The following OTOP1 variants were observed in gnomAD, a reference collection of about 807,000 sequenced individuals.
OTOP1 encodes otopetrin 1.
A neutral mutation model predicts 52.9 loss-of-function variants in OTOP1; 59 were observed. The ratio of observed to expected loss-of-function variants is 1.12; its 90% CI spans 0.91 to 1.39. The LOEUF is 1.39. Among genes scored for constraint, OTOP1 ranks in the 40% most tolerant of loss-of-function variants. The pLI, the probability that OTOP1 is intolerant of heterozygous loss-of-function variation, is 0.00. For missense variants in OTOP1, 761 were observed against 800.9 expected (o/e 0.95, Z 0.60); for synonymous variants, 317 against 337.7 (o/e 0.94, Z 0.67).
chr4:4,222,523 G>T (rs368385285), intron 1 of OTOP1, among the ~76,000 whole-genome samples: 1 of 152,244 alleles, frequency 6.6e-6, no homozygotes, highest in Non-Finnish European at 1.5e-5. Context: ...AGCCAAGCCC[G>T]CATCTGATTT....
Position 4,197,761 on chromosome 4 carries a change from A to T in OTOP1, c.1073T>A (p.Leu358Gln). The T allele has an allele frequency of 6.2e-7, 1 of 1,614,016 alleles. No homozygotes were observed. Among genetic ancestry groups the T allele is most frequent in the Non-Finnish European group, 8.5e-7 (1 of 1,180,012 alleles). ...IMFYLYAITL[L>Q]MLMGAAGLAG... The stretch of plus-strand genomic sequence containing the variant: ...CAGCCCCGCAGCCCCCATAAGCATC[A>T]GCAGGGTGATGGCATACAGGTAGAA... Residue 358 changes from leucine to glutamine, a missense_variant, in exon 5 of 6, where the codon CTG (leucine) becomes CAG (glutamine). Leu to Gln is a moderately radical substitution (Grantham distance 113, BLOSUM62 -2). This residue lies in a region of OTOP1 where 632 missense variants were observed against 619.5 expected (regional missense o/e 1.02). Coordinates refer to ENST00000296358, the MANE Select transcript of OTOP1 (RefSeq NM_177998.3).
chr4:4,206,034 C>A, intron 3 of OTOP1, 38 bp downstream of exon 3: 1 of 1,537,792 alleles, frequency 6.5e-7, no homozygotes, highest in South Asian at 1.1e-5. Flanking sequence ...AAATGAATGC[C>A]AAATTCAACA....
chr4:4,217,794 G>T (rs539574771), intron 1 of OTOP1, among the ~76,000 whole-genome samples: 14 of 152,328 alleles, frequency 9.2e-5, no homozygotes, highest in African/African-American at 2.9e-4. Context: ...CACATAACTT[G>T]TCTGACAAAG....
chr4:4,215,459 C>T lies in OTOP1; in HGVS notation c.404-2455G>A, dbSNP rs546870893. ...GGTGGATCACCTGAGGTTGGGAGTT[C>T]GAGAGCAGCCTGACCAATGTGGAGA... On this transcript the variant is annotated intron_variant, in intron 1 of 5. Coordinates refer to ENST00000296358, the MANE Select transcript of OTOP1 (RefSeq NM_177998.3). Among the ~76,000 whole-genome samples, 35 of 152,132 alleles carry T rather than the reference C, an allele frequency of 2.3e-4. No homozygotes were observed. The South Asian group carries it at 5.8e-3, about 25-fold the overall frequency.
intron 2 of OTOP1, among the ~76,000 whole-genome samples, chr4:4,209,558 G>C (rs941386312): frequency 1.3e-5 from 2 of 152,102 alleles, no homozygotes; most frequent in Admixed American, 6.6e-5. Flanking sequence ...CACTGCCCTC[G>C]AGGTGAAGCC....
intron 2 of OTOP1, among the ~76,000 whole-genome samples, chr4:4,212,354 A>G (rs1397504078): frequency 1.3e-5 from 2 of 152,214 alleles, no homozygotes; most frequent in Non-Finnish European, 1.5e-5. Context: ...TTAATCCCCA[A>G]ACGAGAAAAC....
chr4:4,195,588 G>C (rs1716606849), intron 5 of OTOP1, among the ~76,000 whole-genome samples: 1 of 152,170 alleles, frequency 6.6e-6, no homozygotes, highest in Non-Finnish European at 1.5e-5. Flanking sequence ...CCACCCAAGT[G>C]ACAAGATGAA....
At chr4:4,194,278 T>G (rs1221309025) in intron 5 of OTOP1, among the ~76,000 whole-genome samples, 1 of 152,198 alleles carries the variant, frequency 6.6e-6, no homozygotes, top group Non-Finnish European at 1.5e-5. Flanking sequence ...ACTATAAGAA[T>G]TTGTGTTTTG....
At chr4:4,194,078 C>T (rs2108795592) in intron 5 of OTOP1, among the ~76,000 whole-genome samples, 1 of 152,198 alleles carries the variant, frequency 6.6e-6, no homozygotes, top group Middle Eastern at 3.4e-3. Context: ...AGTCCCACCT[C>T]CTCGGGATGC....
intron 2 of OTOP1, among the ~76,000 whole-genome samples, chr4:4,211,375 AG>A (rs1244720636): frequency 5.3e-5 from 8 of 152,210 alleles, no homozygotes; most frequent in African/African-American, 1.9e-4. Flanking sequence ...CTTGTCAGGA[AG>A]AAAATAATCA....
Position 4,197,155 on chromosome 4 carries a change from G to T in OTOP1, c.1668+11C>A. ...AAATTAAAAGAATAAGAATAACTTG[G>T]TGCAGATTACCGAAATATTGCAGAG... On this transcript the variant is annotated intron_variant, in intron 5 of 5. Transcript: ENST00000296358. 1 of 1,590,834 alleles carries T rather than the reference G, an allele frequency of 6.3e-7. No homozygotes were observed. Among genetic ancestry groups the T allele is most frequent in the South Asian group, 1.1e-5 (1 of 87,896 alleles).
intron 2 of OTOP1, among the ~76,000 whole-genome samples, chr4:4,211,993 A>G (rs1280957389): frequency 6.6e-6 from 1 of 152,226 alleles, no homozygotes; most frequent in African/African-American, 2.4e-5. Flanking sequence ...ACCCAAAAAA[A>G]GAAAGGCAAC....
intron 3 of OTOP1, among the ~76,000 whole-genome samples, chr4:4,205,147 C>T (rs1404091069): frequency 1.3e-5 from 2 of 152,298 alleles, no homozygotes; most frequent in East Asian, 3.9e-4. Context: ...CGATTCTTTC[C>T]TTCCATCCTC....
At chr4:4,192,031 A>G (rs1202967375) in intron 5 of OTOP1, among the ~76,000 whole-genome samples, 1 of 152,186 alleles carries the variant, frequency 6.6e-6, no homozygotes, top group African/African-American at 2.4e-5. Flanking sequence ...CTTGTTACTT[A>G]TCCTATTGAG....
At position 4,191,813 on chromosome 4, in the gene OTOP1, G is replaced by C. The variant is rs144696923; in HGVS notation, c.1669-2840C>G. ...TGGTTTGTAAGCCCCATAAGAGGAAGACCAGAGATCTTGGTCATTGCTGTA... is the reference window on the plus strand; with the variant it reads ...TGGTTTGTAAGCCCCATAAGAGGAACACCAGAGATCTTGGTCATTGCTGTA... On this transcript the variant is annotated intron_variant, in intron 5 of 5. Coordinates refer to ENST00000296358, the MANE Select transcript of OTOP1 (RefSeq NM_177998.3). 1.7e-4 allele frequency among the ~76,000 whole-genome samples: 26 copies of C among 152,280 alleles called. No individual in the cohort carries two copies. The East Asian group carries it at 5.0e-3, about 29-fold the overall frequency.
chr4:4,196,572 T>C (rs1183620721), intron 5 of OTOP1, among the ~76,000 whole-genome samples: 2 of 152,012 alleles, frequency 1.3e-5, no homozygotes. Context: ...AAAGAGAGTT[T>C]TTTAAATTAG....
rs1386317782 is a variant in OTOP1, at chr4:4,198,970, C to G, written c.731-867G>C. Among the ~76,000 whole-genome samples the G allele has an allele frequency of 5.3e-5, 8 of 152,188 alleles. No individual in the cohort carries two copies. In the South Asian group the frequency reaches 8.3e-4, roughly 16 times the overall value. On this transcript the variant is annotated intron_variant, in intron 4 of 5. Coordinates refer to ENST00000296358, the MANE Select transcript of OTOP1 (RefSeq NM_177998.3). ...CTTTGGGAGGCCAAAGCAGGTGGAT[C>G]ACTTGAGGTCAGGAGTTCGAGACCA...
In OTOP1 at chr4:4,226,741, G is replaced by A. The variant is rs576654018; in HGVS notation, c.124C>T (p.Pro42Ser). Residue 42 changes from proline (P) to serine (S), a missense_variant, in exon 1 of 6, where the codon CCG (proline) becomes TCG (serine). Around this residue, in one of 3 missense-constraint regions of OTOP1, gnomAD observed 73 missense variants for 75.7 expected, o/e 0.96. Coordinates refer to ENST00000296358, the MANE Select transcript of OTOP1 (RefSeq NM_177998.3). Reference sequence around the variant, plus strand: ...CGCACACCGCCCCGCCGGGGGGCCGGGGATTCCGGGGACCTCGGGGCCGAG... The same window carrying A: ...CGCACACCGCCCCGCCGGGGGGCCGAGGATTCCGGGGACCTCGGGGCCGAG... ...SSSAPRSPES[P>S]APRRGGVRAS... The A allele has an allele frequency of 1.2e-4, 169 of 1,394,702 alleles. No homozygotes were observed. In the African/African-American group the frequency reaches 2.3e-3, roughly 19 times the overall value. 86.4% of individuals were successfully genotyped at this position (1,394,702 alleles called of 1,614,324 possible). A position where few individuals can be genotyped will look rare whatever the true frequency, so the allele number is the denominator to read the frequency against.
At chr4:4,218,314 C>G (rs1036262459) in intron 1 of OTOP1, among the ~76,000 whole-genome samples, 1 of 151,414 alleles carries the variant, frequency 6.6e-6, no homozygotes, top group Non-Finnish European at 1.5e-5. Context: ...ATGGTGTGAA[C>G]CCGGGAGGCA....
Sources: allele counts gnomAD v4.1 joint callset (sites outside exome capture counted in the v4.1 genomes callset), GRCh38; gene constraint gnomAD v4.1.1; regional missense constraint gnomAD v4.1.1; transcripts MANE v1.5; gene names NCBI Gene and HGNC (gene_info 2026-07-23, HGNC 2026-07-21).